MLLT3: variants seen among roughly 807,000 people sequenced by gnomAD.
The protein encoded by MLLT3 is MLLT3 super elongation complex subunit.
A neutral mutation model predicts 53.2 loss-of-function variants in MLLT3; 4 were observed. The observed-to-expected ratio is 0.08, with a 90% CI of 0.04 to 0.17. MLLT3 has a LOEUF of 0.17. Ranked by LOEUF, MLLT3 falls within the 10% of genes least tolerant of loss-of-function variation. MLLT3 has a pLI of 1.00. For synonymous variants in MLLT3, 283 were observed against 230.6 expected, an observed-to-expected ratio of 1.23 and a Z score of -2.06; for missense variants, 569 against 684.0, an observed-to-expected ratio of 0.83 and a Z score of 1.87.
At chr9:20,515,831 T>C (rs116798022) in intron 2 of MLLT3, among the ~76,000 whole-genome samples, 1 of 152,120 alleles carries the variant, frequency 6.6e-6, no homozygotes, top group Admixed American at 6.6e-5. Flanking sequence ...GGCTGTGGCC[T>C]TCCCCAAAGC....
chr9:20,379,058 C>G (rs1257053694), intron 5 of MLLT3, among the ~76,000 whole-genome samples: 1 of 152,072 alleles, frequency 6.6e-6, no homozygotes, highest in Non-Finnish European at 1.5e-5. Context: ...TATTGTTGCA[C>G]TTCATAATGA....
chr9:20,586,808 G>A (rs1377019257), intron 2 of MLLT3, among the ~76,000 whole-genome samples: 1 of 152,124 alleles, frequency 6.6e-6, no homozygotes, highest in South Asian at 2.1e-4. Context: ...AGCCAGCAGA[G>A]GGGAGCAAGT....
chr9:20,448,760 T>G lies in MLLT3; in HGVS notation c.277-494A>C, dbSNP rs542963829. ...AGGCCTTAAGATTATCTATATGAAA[T>G]AAAAATCTAGCCATTTTCACTTCCT... On this transcript the variant is annotated intron_variant, in intron 3 of 10. Transcript: ENST00000380338. The surrounding 1 kb of genome is among the most constrained non-coding windows in gnomAD (Gnocchi z 4.0). Among the ~76,000 whole-genome samples the G allele has an allele frequency of 1.3e-5, 2 of 152,282 alleles. No homozygotes were observed. Among genetic ancestry groups the G allele is most frequent in the Admixed American group, 1.3e-4 (2 of 15,282 alleles).
At position 20,553,283 on chromosome 9, in the gene MLLT3, G is replaced by A. The variant is rs182012874; in HGVS notation, c.193+67371C>T. Among the ~76,000 whole-genome samples the A allele has an allele frequency of 3.2e-3, 494 of 152,256 alleles. 4 individuals carry two copies. The highest frequency in any genetic ancestry group is 3.4e-3 in the Non-Finnish European group (231 of 68,016). ...AGGAAGAAGAGAGGGCAGACATTCT[G>A]GTTATTTCTTCCCCCAAAATACTCT... On this transcript the variant is annotated intron_variant, in intron 2 of 10. Transcript: ENST00000380338.
At chr9:20,400,249 T>C (rs1822421454) in intron 5 of MLLT3, among the ~76,000 whole-genome samples, 1 of 152,128 alleles carries the variant, frequency 6.6e-6, no homozygotes, top group Non-Finnish European at 1.5e-5. Flanking sequence ...AGAAATTCTA[T>C]GACAACCAAG....
At chr9:20,431,190 T>A (rs144408419) in intron 4 of MLLT3, among the ~76,000 whole-genome samples, 1 of 152,162 alleles carries the variant, frequency 6.6e-6, no homozygotes, top group Non-Finnish European at 1.5e-5. Flanking sequence ...ATTTTATTCA[T>A]AGGTATACAA....
chr9:20,365,812 A>G (rs1821436588), intron 5 of MLLT3, 68 bp from the exon 6 acceptor site: 10 of 1,528,488 alleles, frequency 6.5e-6, no homozygotes, highest in Non-Finnish European at 9.0e-6. Context: ...AGTTGAAAAC[A>G]GTATTGTTGC....
At chr9:20,569,045 T>C (rs981184335) in intron 2 of MLLT3, among the ~76,000 whole-genome samples, 34 of 152,142 alleles carry the variant, frequency 2.2e-4, no homozygotes, top group African/African-American at 7.5e-4. Flanking sequence ...ATCCAGAGCC[T>C]CAGGTTCCAA....
intron 5 of MLLT3, among the ~76,000 whole-genome samples, chr9:20,378,164 A>ATTT (rs1246295967): frequency 6.6e-6 from 1 of 152,130 alleles, no homozygotes; most frequent in Non-Finnish European, 1.5e-5. Flanking sequence ...TGTACATAAT[A>ATTT]TGAAAGTACA....
chr9:20,616,341 A>T (rs1262200638), intron 2 of MLLT3, among the ~76,000 whole-genome samples: 1 of 152,206 alleles, frequency 6.6e-6, no homozygotes, highest in Admixed American at 6.5e-5. Context: ...CCAAGATATT[A>T]AAGATCACTT....
At chr9:20,552,422 G>A (rs945632630) in intron 2 of MLLT3, among the ~76,000 whole-genome samples, 2 of 152,160 alleles carry the variant, frequency 1.3e-5, no homozygotes, top group Non-Finnish European at 2.9e-5. Flanking sequence ...AATTAAGGCT[G>A]ACATCACTCG....
intron 2 of MLLT3, among the ~76,000 whole-genome samples, chr9:20,556,631 C>T (rs760401332): frequency 2.0e-5 from 3 of 151,946 alleles, no homozygotes; most frequent in African/African-American, 4.8e-5. Context: ...TGCAGTGATC[C>T]GAGATCGCAC....
intron 4 of MLLT3, among the ~76,000 whole-genome samples, chr9:20,438,522 G>A (rs974231732): frequency 1.3e-5 from 2 of 152,146 alleles, no homozygotes; most frequent in East Asian, 1.9e-4. Flanking sequence ...GGGCTCAAGC[G>A]ATCCTCCTAC....
chr9:20,474,320 AGAACACCC>A (rs1198697456), intron 2 of MLLT3, among the ~76,000 whole-genome samples: 1 of 152,190 alleles, frequency 6.6e-6, no homozygotes, highest in East Asian at 1.9e-4. Context: ...TGATCTAAAC[AGAACACCC>A]TGGAAATTAG....
At chr9:20,400,661 G>A (rs1466760978) in intron 5 of MLLT3, among the ~76,000 whole-genome samples, 5 of 152,026 alleles carry the variant, frequency 3.3e-5, no homozygotes, top group African/African-American at 1.2e-4. Context: ...GAAGCTGAGT[G>A]ATGGTCCATG....
chr9:20,520,057 T>A (rs1329030938), intron 2 of MLLT3, among the ~76,000 whole-genome samples: 1 of 152,024 alleles, frequency 6.6e-6, no homozygotes, highest in African/African-American at 2.4e-5. Context: ...GGGACATGGG[T>A]GGAGCTGGAG....
chr9:20,362,706 C>CTTGTT, intron 7 of MLLT3: 1 of 99,712 alleles, frequency 1.0e-5, no homozygotes, highest in South Asian at 3.4e-4. Flanking sequence ...GTTAAGACCG[C>CTTGTT]TTTTTTTTTT....
At chr9:20,370,260 T>A (rs1031065933) in intron 5 of MLLT3, among the ~76,000 whole-genome samples, 12 of 152,208 alleles carry the variant, frequency 7.9e-5, no homozygotes, top group African/African-American at 2.7e-4. Context: ...ATTATACCTG[T>A]TATGGTGATC....
chr9:20,523,424 G>A (rs1325876679), intron 2 of MLLT3, among the ~76,000 whole-genome samples: 2 of 152,200 alleles, frequency 1.3e-5, no homozygotes, highest in African/African-American at 4.8e-5. Context: ...ACACATGGAT[G>A]TTTATATCAG....
Sources: allele counts gnomAD v4.1 joint callset (sites outside exome capture counted in the v4.1 genomes callset), GRCh38; gene constraint gnomAD v4.1.1; non-coding constraint Gnocchi (gnomAD v3.1); transcripts MANE v1.5; gene names NCBI Gene and HGNC (gene_info 2026-07-23, HGNC 2026-07-21).